Variants in LRBA observed in about 807,000 individuals in gnomAD.
LRBA encodes the protein lipopolysaccharide-responsive and beige-like anchor protein.
Under a neutral mutation model 330.0 loss-of-function variants are expected in LRBA, and 176 were observed. The observed-to-expected ratio is 0.53, with a 90% CI of 0.47 to 0.60. LRBA has a LOEUF of 0.60. Ranked by LOEUF, LRBA falls within the 20% of genes least tolerant of loss-of-function variation. The pLI is 0.00. For synonymous variants in LRBA, 1,230 were observed against 1,193.0 expected, an observed-to-expected ratio of 1.03 and a Z score of -0.64; for missense variants, 3,259 against 3,444.8, an observed-to-expected ratio of 0.95 and a Z score of 1.35.
At chr4:150,666,519 A>G (rs1356657589) in intron 37 of LRBA, among the ~76,000 whole-genome samples, 1 of 152,200 alleles carries the variant, frequency 6.6e-6, no homozygotes. Context: ...ATCTCCAAAA[A>G]AGAAAAAAAA....
intron 21 of LRBA, 103 bp downstream of exon 21, chr4:150,868,079 A>T: frequency 8.0e-7 from 1 of 1,247,218 alleles, no homozygotes; most frequent in Non-Finnish European, 1.1e-6. Flanking sequence ...AAAAATAGAA[A>T]AATCATTTCA....
chr4:150,862,810 C>T (rs1752127212), intron 22 of LRBA, among the ~76,000 whole-genome samples: 1 of 151,986 alleles, frequency 6.6e-6, no homozygotes. Context: ...AACCCTGTCT[C>T]TACTAAAAAT....
intron 36 of LRBA, among the ~76,000 whole-genome samples, chr4:150,684,354 G>C (rs1194299417): frequency 6.6e-6 from 1 of 152,130 alleles, no homozygotes; most frequent in African/African-American, 2.4e-5. Context: ...ACATGAAACT[G>C]TTTGGTCTTT....
At chr4:150,784,125 T>C (rs1001578485) in intron 34 of LRBA, among the ~76,000 whole-genome samples, 4 of 152,268 alleles carry the variant, frequency 2.6e-5, no homozygotes, top group African/African-American at 9.6e-5. Context: ...TATATTTATA[T>C]ATCCAAGGTG....
intron 4 of LRBA, among the ~76,000 whole-genome samples, chr4:150,926,995 C>G (rs1733946436): frequency 6.6e-6 from 1 of 151,410 alleles, no homozygotes; most frequent in African/African-American, 2.4e-5. Context: ...TGCTTGAACC[C>G]AGGAGGTGGA....
intron 37 of LRBA, among the ~76,000 whole-genome samples, chr4:150,611,115 C>A (rs1174482875): frequency 6.6e-6 from 1 of 152,096 alleles, no homozygotes; most frequent in Non-Finnish European, 1.5e-5. Context: ...TGGGACTGAA[C>A]AATCTATACG....
chr4:150,964,884 A>T (rs1738708318), intron 2 of LRBA, among the ~76,000 whole-genome samples: 1 of 152,284 alleles, frequency 6.6e-6, no homozygotes, highest in Non-Finnish European at 1.5e-5. Context: ...CAAATGGATA[A>T]TTCAAAGAAA....
intron 2 of LRBA, among the ~76,000 whole-genome samples, chr4:150,971,339 A>T (rs1339674823): frequency 3.9e-5 from 6 of 152,198 alleles, no homozygotes; most frequent in African/African-American, 1.2e-4. Context: ...TCAGACACAT[A>T]CTGTCACATA....
intron 56 of LRBA, among the ~76,000 whole-genome samples, chr4:150,270,927 G>C (rs766097266): frequency 6.6e-6 from 1 of 152,200 alleles, no homozygotes; most frequent in Non-Finnish European, 1.5e-5. Context: ...GGCAATCGCC[G>C]AATAGGAGCA....
chr4:150,677,166 G>A (rs1444301761), intron 37 of LRBA, among the ~76,000 whole-genome samples: 1 of 151,982 alleles, frequency 6.6e-6, no homozygotes, highest in African/African-American at 2.4e-5. Context: ...ATGACATACT[G>A]TAGGTTCAGT....
chr4:150,903,219 C>CA (rs1730951820), intron 13 of LRBA, among the ~76,000 whole-genome samples: 2 of 151,732 alleles, frequency 1.3e-5, no homozygotes, highest in African/African-American at 2.4e-5. Context: ...CTAGTCTCTA[C>CA]AAAAAAATTT....
chr4:150,318,833 G>T (rs1024669409), intron 50 of LRBA, among the ~76,000 whole-genome samples: 16 of 152,110 alleles, frequency 1.1e-4, no homozygotes, highest in African/African-American at 3.6e-4. Context: ...TCACTGAACA[G>T]AAATATAGGC....
chr4:150,411,633 T>C (rs1747018968), intron 47 of LRBA, among the ~76,000 whole-genome samples: 1 of 152,182 alleles, frequency 6.6e-6, no homozygotes, highest in Admixed American at 6.5e-5. Flanking sequence ...ACACACAGCT[T>C]GATGTGGCTC....
chr4:150,946,602 T>C (rs143565036), intron 2 of LRBA, among the ~76,000 whole-genome samples: 1 of 151,982 alleles, frequency 6.6e-6, no homozygotes. Flanking sequence ...ATATCAAAAT[T>C]TGTGGGCCAT....
chr4:150,321,937 G>C lies in LRBA; in HGVS notation c.7453-569C>G, dbSNP rs1732569212. 6.6e-6 allele frequency among the ~76,000 whole-genome samples: 1 copy of C among 152,148 alleles called. No homozygotes were observed. The highest frequency in any genetic ancestry group is 1.5e-5 in the Non-Finnish European group (1 of 68,024). Reference sequence around the variant, plus strand: ...ACTGCATGCATATATTATTACAGTAGAGAAATAACTTATGAACGTAATATA... The same window carrying C: ...ACTGCATGCATATATTATTACAGTACAGAAATAACTTATGAACGTAATATA... On this transcript the variant is annotated intron_variant, in intron 49 of 56. Transcript: ENST00000651943. The surrounding 1 kb of genome is among the most constrained non-coding windows in gnomAD (Gnocchi z 4.5).
At chr4:150,557,255 T>C (rs1767444723) in intron 40 of LRBA, among the ~76,000 whole-genome samples, 1 of 152,174 alleles carries the variant, frequency 6.6e-6, no homozygotes, top group African/African-American at 2.4e-5. Context: ...CAGTGAATTA[T>C]TAACCATTGA....
At chr4:150,559,857 AT>A (rs1768000688) in intron 40 of LRBA, among the ~76,000 whole-genome samples, 2 of 24,828 alleles carry the variant, frequency 8.1e-5, no homozygotes, top group African/African-American at 2.2e-4. Flanking sequence ...ATAATATATA[AT>A]TATATATAAT....
chr4:150,297,080 A>G (rs1729071571), intron 53 of LRBA, among the ~76,000 whole-genome samples: 1 of 152,198 alleles, frequency 6.6e-6, no homozygotes, highest in South Asian at 2.1e-4. Flanking sequence ...GCATGGCACT[A>G]TTAAAAAGGT....
At chr4:150,381,165 G>C (rs1742207271) in intron 47 of LRBA, among the ~76,000 whole-genome samples, 1 of 151,872 alleles carries the variant, frequency 6.6e-6, no homozygotes, top group South Asian at 2.1e-4. Context: ...TACAATTTTT[G>C]AATTAAAATG....
Sources: gnomAD v4.1 joint callset for allele counts (sites outside exome capture counted in the v4.1 genomes callset) on GRCh38, gnomAD v4.1.1 for gene constraint, Gnocchi (gnomAD v3.1) non-coding constraint, MANE v1.5 for transcripts, NCBI Gene and HGNC (gene_info 2026-07-23, HGNC 2026-07-21) for gene names.